Variants in ARAP3 observed in about 807,000 individuals in gnomAD.
The protein encoded by ARAP3 is ArfGAP with RhoGAP domain, ankyrin repeat and PH domain 3, also known as arf-GAP with Rho-GAP domain, ANK repeat and PH domain-containing protein 3.
A neutral mutation model predicts 169.2 loss-of-function variants in ARAP3; 82 were observed. The observed-to-expected ratio is 0.48, with a 90% CI of 0.41 to 0.58. ARAP3 has a LOEUF of 0.58. Ranked by LOEUF, ARAP3 falls within the 20% of genes least tolerant of loss-of-function variation. The pLI, the probability that ARAP3 is intolerant of heterozygous loss-of-function variation, is 0.00. For synonymous variants in ARAP3, 791 were observed against 800.3 expected, an observed-to-expected ratio of 0.99 and a Z score of 0.20; for missense variants, 1,764 against 2,018.0, an observed-to-expected ratio of 0.87 and a Z score of 2.41.
rs888867219 is a variant in ARAP3, at chr5:141,673,819, C to T, written c.699-11G>A. 13 of 1,613,218 alleles carry T rather than the reference C, an allele frequency of 8.1e-6. No homozygotes were observed. In the African/African-American group the frequency reaches 1.5e-4, roughly 18 times the overall value. ...TCCTGTCTGCTGAGCCTTGTGGGGG[C>T]CAAGACAGGGAGGGACACACATTAG... is the stretch of plus-strand genomic sequence containing the variant. On this transcript the variant is annotated splice_polypyrimidine_tract_variant and intron_variant, in intron 4 of 32. Transcript: ENST00000239440.
At chr5:141,664,784 G>C in intron 19 of ARAP3, 138 bp downstream of exon 19, 1 of 1,061,294 alleles carries the variant, frequency 9.4e-7, no homozygotes, top group Non-Finnish European at 1.4e-6. Context: ...GACCAGCTGG[G>C]GTCCAGCTGC....
intron 21 of ARAP3, 117 bp downstream of exon 21, chr5:141,661,567 T>C (rs921161883): frequency 3.7e-6 from 4 of 1,090,576 alleles, no homozygotes; most frequent in Non-Finnish European, 5.5e-6. Flanking sequence ...CTATGATACC[T>C]TCACTTAACA....
chr5:141,655,259 C>CACACAA (rs376664795), intron 32 of ARAP3, 103 bp downstream of exon 32: 1 of 1,186,938 alleles, frequency 8.4e-7, no homozygotes, highest in African/African-American at 1.8e-5. Context: ...CACACACACA[C>CACACAA]CCCCTGATGG....
intron 32 of ARAP3, among the ~76,000 whole-genome samples, chr5:141,654,825 C>T (rs6580195): frequency 0.34 from 51,680 of 151,372 alleles, 9,113 homozygotes; most frequent in Admixed American, 0.43. Flanking sequence ...CTGCAACCTC[C>T]GCCTCCCAGG....
chr5:141,680,058 A>G lies in ARAP3; in HGVS notation c.429T>C (p.Ser143=). 1 of 1,614,150 alleles carries G rather than the reference A, an allele frequency of 6.2e-7. No individual in the cohort carries two copies. Among genetic ancestry groups the G allele is most frequent in the Non-Finnish European group, 8.5e-7 (1 of 1,180,028 alleles). ...CAGTATTTAGGGCTGAAGACTGCTC[A>G]GAGGAGGAAGTGGGGAGAGGAGGAG... ...PRPPPLPTSS[S]EQSSALNTVE... Residue 143 remains serine (S), a synonymous_variant, in exon 2 of 33, where the codon TCT becomes TCC. Transcript: ENST00000239440.
chr5:141,656,965 GTC>G (rs1314069869), intron 25 of ARAP3, 119 bp from the exon 26 acceptor site: 3 of 1,371,470 alleles, frequency 2.2e-6, no homozygotes, highest in Non-Finnish European at 2.0e-6. Flanking sequence ...ATTTTTCACT[GTC>G]TCTATGCCAG....
chr5:141,659,021 G>C (rs1443750548), intron 23 of ARAP3, among the ~76,000 whole-genome samples: 1 of 152,060 alleles, frequency 6.6e-6, no homozygotes, highest in Non-Finnish European at 1.5e-5. Context: ...AGAGATGCTT[G>C]GAATATAGTA....
chr5:141,661,907 C>T (rs939858850), intron 20 of ARAP3, 118 bp from the exon 21 acceptor site: 30 of 1,489,156 alleles, frequency 2.0e-5, no homozygotes, highest in Non-Finnish European at 5.6e-6. Flanking sequence ...CCCCTTCCCA[C>T]CTCCCCCTGA....
intron 31 of ARAP3, 31 bp downstream of exon 31, chr5:141,655,590 A>C: frequency 6.2e-7 from 1 of 1,613,768 alleles, no homozygotes; most frequent in Non-Finnish European, 8.5e-7. Context: ...ACACGACAGG[A>C]ATCGGGTTGG....
intron 19 of ARAP3, among the ~76,000 whole-genome samples, chr5:141,663,748 C>T (rs1240193837): frequency 6.6e-6 from 1 of 152,234 alleles, no homozygotes; most frequent in Non-Finnish European, 1.5e-5. Flanking sequence ...ACTGACTTTC[C>T]ATGTCCCATG....
At position 141,672,552 on chromosome 5, in the gene ARAP3, C is replaced by T. The variant is rs1320703176; in HGVS notation, c.1385G>A (p.Ser462Asn). 1 of 1,614,068 alleles carries T rather than the reference C, an allele frequency of 6.2e-7. No individual in the cohort carries two copies. Among genetic ancestry groups the T allele is most frequent in the South Asian group, 1.1e-5 (1 of 91,064 alleles). ...TGCCTCCCACTGGCCCAGGCCCCAC[C>T]TGAAGCAGCGATGGGGTGTGAGCAG... ...FDLLTPHRCFSFTAESGGARQ... is the reference protein window; with the variant it reads ...FDLLTPHRCFNFTAESGGARQ... Residue 462 changes from serine to asparagine, a missense_variant and splice_region_variant, in exon 9 of 33, where the codon AGC becomes AAC. Physicochemically the swap from Ser to Asn is conservative, Grantham distance 46 (BLOSUM62 1). Transcript: ENST00000239440. The surrounding 1 kb of genome is among the most constrained non-coding windows in gnomAD (Gnocchi z 4.9).
At chr5:141,658,709 A>G in intron 23 of ARAP3, 56 bp from the exon 24 acceptor site, 1 of 1,462,626 alleles carries the variant, frequency 6.8e-7, no homozygotes, top group East Asian at 2.4e-5. Context: ...AAAGACATCA[A>G]AGTCAGAGGG....
chr5:141,677,926 A>G (rs1438038217), intron 4 of ARAP3, among the ~76,000 whole-genome samples: 1 of 149,144 alleles, frequency 6.7e-6, no homozygotes, highest in Non-Finnish European at 1.5e-5. Flanking sequence ...CTGGGACTAC[A>G]GGTGTGCGCC....
In ARAP3 at chr5:141,656,828, T is replaced by G. The variant is rs1287771340; in HGVS notation, c.3545A>C (p.Lys1182Thr). 1.2e-6 allele frequency: 2 copies of G among 1,613,312 alleles called. No individual in the cohort carries two copies. The highest frequency in any genetic ancestry group is 3.3e-5 in the Admixed American group (2 of 59,880). ...HGELERPLHP[K>T]EKVLEQALQW... Reference sequence around the variant, plus strand: ...TAAAGCCTGCTCTAAGACCTTTTCCTTGGGATGCAGTGGCCGCTCTTAAGG... The same window carrying G: ...TAAAGCCTGCTCTAAGACCTTTTCCGTGGGATGCAGTGGCCGCTCTTAAGG... Residue 1182 changes from lysine (K) to threonine (T), a missense_variant, in exon 26 of 33, where the codon AAG (lysine) becomes ACG (threonine). By Grantham distance (78) the Lys-to-Thr change is moderately conservative. Coordinates refer to ENST00000239440, the MANE Select transcript of ARAP3 (RefSeq NM_022481.6).
chr5:141,669,636 A>C, intron 16 of ARAP3, 73 bp downstream of exon 16: 1 of 1,395,228 alleles, frequency 7.2e-7, no homozygotes, highest in Non-Finnish European at 1.0e-6. Context: ...TGTAGGAATA[A>C]GAGAGGAGAA....
intron 27 of ARAP3, 82 bp downstream of exon 27, chr5:141,656,422 C>T (rs1562402776): frequency 1.9e-6 from 3 of 1,580,896 alleles, no homozygotes; most frequent in Non-Finnish European, 1.7e-6. Flanking sequence ...AGAGTATGGG[C>T]TGTGGAGTCA....
intron 4 of ARAP3, among the ~76,000 whole-genome samples, chr5:141,678,150 C>T (rs2099912455): frequency 6.6e-6 from 1 of 152,162 alleles, no homozygotes; most frequent in Non-Finnish European, 1.5e-5. Context: ...GAGGTTTCAC[C>T]ATGTTGACTA....
At position 141,670,494 on chromosome 5, in the gene ARAP3, C is replaced by T. The variant is rs199893294; in HGVS notation, c.2107+18G>A. 4 of 1,608,544 alleles carry T rather than the reference C, an allele frequency of 2.5e-6. No homozygotes were observed. The highest frequency in any genetic ancestry group is 2.2e-5 in the East Asian group (1 of 44,760). On this transcript the variant is annotated intron_variant, in intron 14 of 32. Transcript: ENST00000239440. ...ACTTTCTGTCCCTGTATCCTCCCATCCCTTGGCTCCCCCTCACCATCCCGG... is the reference window on the plus strand; with the variant it reads ...ACTTTCTGTCCCTGTATCCTCCCATTCCTTGGCTCCCCCTCACCATCCCGG...
intron 20 of ARAP3, 37 bp from the exon 21 acceptor site, chr5:141,661,826 G>T (rs1172085207): frequency 6.2e-6 from 10 of 1,605,314 alleles, no homozygotes; most frequent in Non-Finnish European, 8.5e-6. Context: ...GGAGGACCCG[G>T]GAAGAAAGAG....
Sources: gnomAD v4.1 joint callset for allele counts (sites outside exome capture counted in the v4.1 genomes callset) on GRCh38, gnomAD v4.1.1 for gene constraint, Gnocchi (gnomAD v3.1) non-coding constraint, MANE v1.5 for transcripts, NCBI Gene and HGNC (gene_info 2026-07-23, HGNC 2026-07-21) for gene names.